The following CAPN8 variants were observed in gnomAD, a reference collection of about 807,000 sequenced individuals.
CAPN8 encodes calpain-8.
In CAPN8, 87 loss-of-function variants were observed where a neutral mutation model predicts 80.9. The ratio of observed to expected loss-of-function variants is 1.07; its 90% confidence interval spans 0.90 to 1.28. The LOEUF (loss-of-function observed/expected upper bound fraction) is 1.28, where lower values mean the gene tolerates loss of function less well. Ranked by LOEUF, CAPN8 falls within the 50% of genes most tolerant of loss-of-function variation. The pLI is 0.00. For missense variants in CAPN8, 757 were observed against 702.0 expected, an observed-to-expected ratio of 1.08 and a Z score of -0.89; for synonymous variants, 299 against 273.8, an observed-to-expected ratio of 1.09 and a Z score of -0.91.
chr1:223,643,560 G>T (rs951478190), intron 2 of CAPN8, among the ~76,000 whole-genome samples: 3 of 152,250 alleles, frequency 2.0e-5, no homozygotes, highest in Non-Finnish European at 2.9e-5. Flanking sequence ...TGTGAAAAGA[G>T]ATAGAAAGGA....
chr1:223,661,578 C>T (rs1375864256), intron 1 of CAPN8, among the ~76,000 whole-genome samples: 4 of 151,962 alleles, frequency 2.6e-5, no homozygotes, highest in Non-Finnish European at 4.4e-5. Flanking sequence ...TACAGTGAGC[C>T]GAATTCGCAC....
intron 9 of CAPN8, chr1:223,617,118 G>A (rs1400590252): frequency 6.6e-6 from 1 of 152,190 alleles, no homozygotes; most frequent in African/African-American, 2.4e-5. Flanking sequence ...AAAAGAAGTG[G>A]AAGGGCATGG....
intron 14 of CAPN8, among the ~76,000 whole-genome samples, chr1:223,553,273 T>C (rs969632946): frequency 5.9e-5 from 9 of 152,122 alleles, no homozygotes; most frequent in Admixed American, 1.3e-4. Flanking sequence ...GGGAGAAGGA[T>C]CAGGGGTCGC....
intron 1 of CAPN8, among the ~76,000 whole-genome samples, chr1:223,656,668 GTTTTTTTGTTTTGT>G (rs1658497601): frequency 1.1e-5 from 1 of 94,822 alleles, no homozygotes; most frequent in Non-Finnish European, 2.1e-5. Context: ...CACGTTTTGG[GTTTTTTTGTTTTGT>G]TTTTTTTTTT....
chr1:223,624,964 G>A (rs1657520511), intron 6 of CAPN8, among the ~76,000 whole-genome samples: 2 of 151,088 alleles, frequency 1.3e-5, no homozygotes, highest in South Asian at 4.2e-4. Context: ...GTGGTGGCGG[G>A]CGCCTGTAGT....
At chr1:223,547,948 C>A (rs1558335616) in intron 16 of CAPN8, among the ~76,000 whole-genome samples, 1 of 152,172 alleles carries the variant, frequency 6.6e-6, no homozygotes, top group Non-Finnish European at 1.5e-5. Flanking sequence ...GGAGAAAAGA[C>A]ACGAGGGCTA....
intron 15 of CAPN8, 67 bp downstream of exon 15, chr1:223,550,893 T>C: frequency 1.4e-6 from 1 of 701,776 alleles, no homozygotes; most frequent in Non-Finnish European, 2.6e-6. Flanking sequence ...AATGCCTGCC[T>C]ACCCATCCCT....
chr1:223,618,251 G>A, intron 9 of CAPN8: 1 of 1,550,588 alleles, frequency 6.4e-7, no homozygotes, highest in Non-Finnish European at 8.7e-7. Context: ...TTCATCAGGT[G>A]CTGCCTCAGC....
At chr1:223,628,166 T>C (rs1657655986) in intron 3 of CAPN8, 24 bp from the exon 4 acceptor site, 2 of 1,528,016 alleles carry the variant, frequency 1.3e-6, no homozygotes, top group African/African-American at 1.4e-5. Flanking sequence ...ACACAGCGGC[T>C]GCTCACATGA....
At chr1:223,554,989 T>C (rs1324249838) in intron 13 of CAPN8, among the ~76,000 whole-genome samples, 1 of 152,210 alleles carries the variant, frequency 6.6e-6, no homozygotes, top group Non-Finnish European at 1.5e-5. Flanking sequence ...GACACGAAAT[T>C]TCTAGAAAGC....
At chr1:223,657,005 A>T (rs1658512418) in intron 1 of CAPN8, among the ~76,000 whole-genome samples, 1 of 152,094 alleles carries the variant, frequency 6.6e-6, no homozygotes, top group Non-Finnish European at 1.5e-5. Context: ...TTTTTATCAC[A>T]TATGTCTTGT....
At chr1:223,553,628 G>C (rs1238843059) in intron 14 of CAPN8, among the ~76,000 whole-genome samples, 2 of 152,144 alleles carry the variant, frequency 1.3e-5, no homozygotes, top group African/African-American at 4.8e-5. Flanking sequence ...AAGATAAGTA[G>C]CCTCAGGACC....
At chr1:223,629,077 G>C in intron 2 of CAPN8, 1 of 377,048 alleles carries the variant, frequency 2.7e-6, no homozygotes, top group East Asian at 4.7e-5. Context: ...AAGAAAAGAA[G>C]AGGAGAGGAG....
intron 2 of CAPN8, among the ~76,000 whole-genome samples, chr1:223,632,226 G>A (rs1047833694): frequency 1.3e-5 from 2 of 152,176 alleles, no homozygotes; most frequent in African/African-American, 2.4e-5. Context: ...TTGTCATGAC[G>A]AGAATGCGTT....
At chr1:223,660,095 C>T (rs1315308793) in intron 1 of CAPN8, among the ~76,000 whole-genome samples, 1 of 152,206 alleles carries the variant, frequency 6.6e-6, no homozygotes, top group African/African-American at 2.4e-5. Flanking sequence ...GGCCTGTCAC[C>T]CTCATCCTTA....
intron 2 of CAPN8, among the ~76,000 whole-genome samples, chr1:223,638,083 G>GA (rs1657952948): frequency 6.6e-6 from 1 of 151,892 alleles, no homozygotes; most frequent in South Asian, 2.1e-4. Flanking sequence ...GAAAATATTT[G>GA]AAAAAAATGG....
At chr1:223,664,567 C>T (rs1658735968) in intron 1 of CAPN8, among the ~76,000 whole-genome samples, 1 of 152,208 alleles carries the variant, frequency 6.6e-6, no homozygotes, top group Non-Finnish European at 1.5e-5. Flanking sequence ...ACAACACAGG[C>T]AGAGCTAGGA....
intron 10 of CAPN8, among the ~76,000 whole-genome samples, chr1:223,613,840 T>C (rs1412366370): frequency 6.6e-6 from 1 of 152,174 alleles, no homozygotes. Context: ...CAACCCCAGC[T>C]ACTCCCTATA....
At chr1:223,624,147 T>G (rs921380382) in intron 6 of CAPN8, among the ~76,000 whole-genome samples, 9 of 152,200 alleles carry the variant, frequency 5.9e-5, no homozygotes, top group African/African-American at 1.9e-4. Flanking sequence ...GTGCAATCAC[T>G]GCAGGCTCTC....
Sources: allele counts gnomAD v4.1 joint callset (sites outside exome capture counted in the v4.1 genomes callset), GRCh38; gene constraint gnomAD v4.1.1; transcripts MANE v1.5; gene names NCBI Gene and HGNC (gene_info 2026-07-23, HGNC 2026-07-21).